TDP2: variants seen among roughly 807,000 people sequenced by gnomAD.
TDP2 encodes the protein tyrosyl-DNA phosphodiesterase 2.
A neutral mutation model predicts 42.8 loss-of-function variants in TDP2; 38 were observed. The observed-to-expected ratio is 0.89, with a 90% CI of 0.68 to 1.16. The LOEUF is 1.16. Ranked by LOEUF, TDP2 falls within the 50% of genes most tolerant of loss-of-function variation. The pLI, the probability that TDP2 is intolerant of heterozygous loss-of-function variation, is 0.00. For synonymous variants in TDP2, 173 were observed against 150.6 expected (o/e 1.15, Z -1.09); for missense variants, 439 against 439.3 (o/e 1.00, Z 0.01).
At chr6:24,657,694 C>G in intron 4 of TDP2, 118 bp downstream of exon 4, 1 of 466,486 alleles carries the variant, frequency 2.1e-6, no homozygotes, top group Non-Finnish European at 3.9e-6. Context: ...GCTTATTTTT[C>G]TCAAACTTAT....
intron 2 of TDP2, among the ~76,000 whole-genome samples, chr6:24,660,639 TTC>T (rs1163145788): frequency 6.6e-6 from 1 of 152,226 alleles, no homozygotes; most frequent in Non-Finnish European, 1.5e-5. Flanking sequence ...ATATAAGTTT[TTC>T]TTTTTCTTAT....
chr6:24,666,419 G>T, intron 2 of TDP2, 107 bp downstream of exon 2: 1 of 1,447,250 alleles, frequency 6.9e-7, no homozygotes. Context: ...TTGGAGATCT[G>T]CCTCAGCATC....
intron 2 of TDP2, among the ~76,000 whole-genome samples, chr6:24,660,432 T>C (rs906118695): frequency 6.6e-6 from 1 of 152,232 alleles, no homozygotes; most frequent in Non-Finnish European, 1.5e-5. Context: ...CTATACTGGA[T>C]ACTGTAGGCA....
chr6:24,666,106 A>C, intron 2 of TDP2: 3 of 1,544,142 alleles, frequency 1.9e-6, no homozygotes, highest in African/African-American at 1.4e-5. Flanking sequence ...AAAAAATAAC[A>C]ACAACAACAA....
At position 24,653,276 on chromosome 6, in the gene TDP2, G is replaced by A. The variant is rs1778002727; in HGVS notation, c.637-123C>T. The stretch of plus-strand genomic sequence containing the variant: ...TTACTAAACTGAAACTGTAAAATCA[G>A]CACTATGCCTATCCCTCCGGATCAA... On this transcript the variant is annotated intron_variant, in intron 5 of 6. Transcript: ENST00000378198. 7.1e-6 allele frequency: 7 copies of A among 979,634 alleles called. No homozygotes were observed. In the Admixed American group the frequency reaches 1.5e-4, roughly 21 times the overall value. The allele number at this position is 979,634 out of a possible 1,614,324, so 60.7% of individuals were successfully genotyped here.
Position 24,650,872 on chromosome 6 carries a change from G to T in TDP2, c.1005C>A (p.Asp335Glu). The change falls in exon 7 of 7, where the codon GAC becomes GAA. Residue 335 changes from aspartate (D) to glutamate (E), a missense_variant. Physicochemically the swap from Asp to Glu is conservative, Grantham distance 45. Coordinates refer to ENST00000378198, the MANE Select transcript of TDP2 (RefSeq NM_016614.3). Reference sequence around the variant, plus strand: ...AGTCCAGTTTTTCTAATCCAAGAAGGTCCAAACTTCGGGGAATAATGTGTC... The same window carrying T: ...AGTCCAGTTTTTCTAATCCAAGAAGTTCCAAACTTCGGGGAATAATGTGTC... ...EEGHIIPRSL[D>E]LLGLEKLDCG... 1 of 1,614,122 alleles carries T rather than the reference G, an allele frequency of 6.2e-7. No individual in the cohort carries two copies. The highest frequency in any genetic ancestry group is 8.5e-7 in the Non-Finnish European group (1 of 1,180,006).
chr6:24,659,501 AGATT>A (rs1562149116), intron 2 of TDP2, among the ~76,000 whole-genome samples: 1 of 151,968 alleles, frequency 6.6e-6, no homozygotes, highest in East Asian at 1.9e-4. Flanking sequence ...GTTCGTAGAT[AGATT>A]CTTACTGTAC....
rs1582424446 is a variant in TDP2, at chr6:24,661,573, C to G, written c.252-2839G>C. The stretch of plus-strand genomic sequence containing the variant: ...TTAAGCCCCTTTCATTCTATGAAAT[C>G]AGTCATTTCTGAAAAGCCCTTGTTC... On this transcript the variant is annotated intron_variant, in intron 2 of 6. Transcript: ENST00000378198. 2.0e-5 allele frequency among the ~76,000 whole-genome samples: 3 copies of G among 152,268 alleles called. No individual in the cohort carries two copies. The East Asian group carries it at 5.8e-4, about 29-fold the overall frequency.
At position 24,650,648 on chromosome 6, in the gene TDP2, GA is replaced by G; in HGVS notation, c.*139del. The G allele has an allele frequency of 1.2e-6, 1 of 817,980 alleles. No individual in the cohort carries two copies. The highest frequency in any genetic ancestry group is 1.9e-6 in the Non-Finnish European group (1 of 531,424). 50.7% of individuals were successfully genotyped at this position (817,980 alleles called of 1,614,324 possible). A position where few individuals can be genotyped will look rare whatever the true frequency, so the allele number is the denominator to read the frequency against. On this transcript the variant is annotated 3_prime_UTR_variant, in exon 7 of 7. Transcript: ENST00000378198. ...ACATTAATCTTTAATGTTGAATTCT[GA>G]AAACACAACCATAAATCATAGTTGG...
chr6:24,654,207 TAAGAA>T (rs1421080838), intron 5 of TDP2, among the ~76,000 whole-genome samples, 200 bp downstream of exon 5: 5 of 152,176 alleles, frequency 3.3e-5, no homozygotes, highest in Admixed American at 2.6e-4. Context: ...CAAATATTCT[TAAGAA>T]AACAATAGAC....
chr6:24,650,655 C>T lies in TDP2; in HGVS notation c.*133G>A, dbSNP rs1777956680. On this transcript the variant is annotated 3_prime_UTR_variant, in exon 7 of 7. Transcript: ENST00000378198. ...TCTTTAATGTTGAATTCTGAAAACA[C>T]AACCATAAATCATAGTTGGTTTTTC... 1.2e-6 allele frequency: 1 copy of T among 846,708 alleles called. No homozygotes were observed. The highest frequency in any genetic ancestry group is 1.8e-6 in the Non-Finnish European group (1 of 555,080). The allele number at this position is 846,708 out of a possible 1,614,324, so 52.4% of individuals were successfully genotyped here.
intron 4 of TDP2, among the ~76,000 whole-genome samples, chr6:24,656,061 A>G (rs1159890611): frequency 6.6e-6 from 1 of 152,244 alleles, no homozygotes; most frequent in African/African-American, 2.4e-5. Context: ...ATGGATACTG[A>G]CATAACATAA....
intron 6 of TDP2, 131 bp downstream of exon 6, chr6:24,652,852 G>T: frequency 1.0e-6 from 1 of 977,142 alleles, no homozygotes; most frequent in Non-Finnish European, 1.6e-6. Context: ...AATATTCGCT[G>T]AATTGCAAGG....
Position 24,650,499 on chromosome 6 carries a change from A to G in TDP2, c.*289T>C. 2.8e-6 allele frequency: 1 copy of G among 362,612 alleles called. No individual in the cohort carries two copies. The highest frequency in any genetic ancestry group is 5.0e-6 in the Non-Finnish European group (1 of 200,534). 22.5% of individuals were successfully genotyped at this position (362,612 alleles called of 1,614,324 possible). The stretch of plus-strand genomic sequence containing the variant: ...AAAATATAAACATTAGCTCAGAGAC[A>G]ATGTGGTACCTGTTTGGAATCCAGC... On this transcript the variant is annotated 3_prime_UTR_variant, in exon 7 of 7. Transcript: ENST00000378198.
chr6:24,656,730 C>G (rs1212111059), intron 4 of TDP2, among the ~76,000 whole-genome samples: 3 of 152,116 alleles, frequency 2.0e-5, no homozygotes, highest in Non-Finnish European at 2.9e-5. Flanking sequence ...AGGAAAACAT[C>G]TATTTACCCA....
chr6:24,664,665 AT>A (rs149988446), intron 2 of TDP2, among the ~76,000 whole-genome samples: 5 of 151,486 alleles, frequency 3.3e-5, no homozygotes, highest in Admixed American at 6.6e-5. Flanking sequence ...CTTCCAATCA[AT>A]TTTTTTTTCC....
chr6:24,660,469 G>A (rs2127618257), intron 2 of TDP2, among the ~76,000 whole-genome samples: 1 of 152,284 alleles, frequency 6.6e-6, no homozygotes, highest in African/African-American at 2.4e-5. Context: ...ACTTACTTGT[G>A]TTCTAAAAAT....
chr6:24,651,179 C>G, intron 6 of TDP2, 110 bp from the exon 7 acceptor site: 2 of 831,106 alleles, frequency 2.4e-6, no homozygotes, highest in Admixed American at 5.9e-5. Context: ...ATTATTAATG[C>G]AGAAATGCAA....
chr6:24,652,723 C>CTA (rs17243395), intron 6 of TDP2, among the ~76,000 whole-genome samples: 31,603 of 150,054 alleles, frequency 0.21, 3,498 homozygotes, highest in Non-Finnish European at 0.26. Flanking sequence ...CTTTCTAATC[C>CTA]TATATATATA....
Sources: allele counts gnomAD v4.1 joint callset (sites outside exome capture counted in the v4.1 genomes callset), GRCh38; gene constraint gnomAD v4.1.1; transcripts MANE v1.5; gene names NCBI Gene and HGNC (gene_info 2026-07-23, HGNC 2026-07-21).